TPTE: variants seen among roughly 807,000 people sequenced by gnomAD.
TPTE encodes putative tyrosine-protein phosphatase TPTE.
Under a neutral mutation model 84.1 loss-of-function variants are expected in TPTE, and 59 were observed. The observed-to-expected ratio is 0.70, with a 90% confidence interval of 0.57 to 0.87. The LOEUF is 0.87. Among genes scored for constraint, TPTE ranks in the 40% least tolerant of loss-of-function variants. TPTE has a pLI of 0.00. For missense variants in TPTE, 382 were observed against 659.6 expected (o/e 0.58, Z 4.61); for synonymous variants, 130 against 223.5 (o/e 0.58, Z 3.73).
intron 10 of TPTE, among the ~76,000 whole-genome samples, chr21:10,564,383 A>T (rs2074872853): frequency 6.6e-6 from 1 of 152,300 alleles, no homozygotes; most frequent in African/African-American, 2.4e-5. Flanking sequence ...GGTGCCGGGC[A>T]CCTGTAATTT....
chr21:10,580,125 A>G (rs1348858817), intron 17 of TPTE, among the ~76,000 whole-genome samples: 13 of 152,290 alleles, frequency 8.5e-5, no homozygotes, highest in Admixed American at 6.5e-4. Flanking sequence ...GCATTTTCTC[A>G]TTATACCTCT....
At chr21:10,530,788 G>T (rs1289659167) in intron 3 of TPTE, among the ~76,000 whole-genome samples, 2 of 152,306 alleles carry the variant, frequency 1.3e-5, no homozygotes, top group South Asian at 2.1e-4. Flanking sequence ...ATGCATGATG[G>T]TTCCTACACA....
intron 10 of TPTE, among the ~76,000 whole-genome samples, chr21:10,566,848 G>A (rs1284634910): frequency 6.6e-6 from 1 of 152,306 alleles, no homozygotes; most frequent in African/African-American, 2.4e-5. Flanking sequence ...GTGGTGCCGG[G>A]CACCTGTAAT....
At chr21:10,562,543 A>G (rs2074830447) in intron 10 of TPTE, among the ~76,000 whole-genome samples, 1 of 152,312 alleles carries the variant, frequency 6.6e-6, no homozygotes, top group African/African-American at 2.4e-5. Flanking sequence ...TCATAATTCT[A>G]TTAGATAAGT....
chr21:10,535,350 TAC>T (rs1192619960), intron 3 of TPTE, among the ~76,000 whole-genome samples: 3 of 152,302 alleles, frequency 2.0e-5, no homozygotes, highest in African/African-American at 7.2e-5. Flanking sequence ...TGCATACACA[TAC>T]ACACACAGAA....
intron 10 of TPTE, among the ~76,000 whole-genome samples, chr21:10,565,115 ACT>A (rs1348505637): frequency 1.3e-5 from 2 of 152,308 alleles, no homozygotes; most frequent in Non-Finnish European, 2.9e-5. Flanking sequence ...AATACTAAAG[ACT>A]CCACCAAAAA....
At chr21:10,587,923 A>C (rs1299819300) in intron 17 of TPTE, among the ~76,000 whole-genome samples, 1 of 152,310 alleles carries the variant, frequency 6.6e-6, no homozygotes, top group African/African-American at 2.4e-5. Flanking sequence ...AATCTCGGTC[A>C]CTGCAACCTC....
At chr21:10,574,387 C>T (rs2075109228) in intron 14 of TPTE, among the ~76,000 whole-genome samples, 1 of 152,312 alleles carries the variant, frequency 6.6e-6, no homozygotes, top group Non-Finnish European at 1.5e-5. Flanking sequence ...TGGCCTGAGT[C>T]ATCATCCCAT....
chr21:10,556,492 G>T (rs539347393), intron 8 of TPTE, among the ~76,000 whole-genome samples: 1 of 152,306 alleles, frequency 6.6e-6, no homozygotes, highest in Non-Finnish European at 1.5e-5. Flanking sequence ...GAATAGTGCC[G>T]CAATAAACAT....
intron 21 of TPTE, among the ~76,000 whole-genome samples, chr21:10,599,250 CTA>C (rs1224155703): frequency 1.3e-5 from 2 of 152,302 alleles, no homozygotes; most frequent in Non-Finnish European, 1.5e-5. Flanking sequence ...TGACAGTTTT[CTA>C]TGTTCTCCTT....
intron 3 of TPTE, 40 bp downstream of exon 3, chr21:10,527,452 A>G (rs1437461073): frequency 6.5e-6 from 1 of 152,760 alleles, no homozygotes; most frequent in South Asian, 2.1e-4. Context: ...TACTGGGAGC[A>G]TCAATGGCAA....
chr21:10,561,998 T>A (rs998777454), intron 10 of TPTE, among the ~76,000 whole-genome samples: 3 of 152,302 alleles, frequency 2.0e-5, no homozygotes, highest in Admixed American at 6.5e-5. Flanking sequence ...ACAGAGGTGC[T>A]TATGTCACTC....
In TPTE at chr21:10,569,615, C is replaced by T. The variant is rs62212562; in HGVS notation, c.667-68C>T. On this transcript the variant is annotated intron_variant, in intron 12 of 23. Transcript: ENST00000618007. ...CCATTGACAAGGGTTGATATCTATA[C>T]TGTATAATGTTTTTTATTTTTATGT... is the stretch of plus-strand genomic sequence containing the variant. 29 of 1,610,776 alleles carry T rather than the reference C, an allele frequency of 1.8e-5. No individual in the cohort carries two copies. In the East Asian group the frequency reaches 2.3e-4, roughly 13 times the overall value.
intron 14 of TPTE, chr21:10,576,721 G>A (rs909974087): frequency 1.3e-5 from 2 of 152,322 alleles, no homozygotes; most frequent in African/African-American, 4.8e-5. Flanking sequence ...ATATACGTAT[G>A]TGTGTGTATG....
intron 14 of TPTE, among the ~76,000 whole-genome samples, chr21:10,573,834 A>T (rs146695077): frequency 0.013 from 1,899 of 149,604 alleles, no homozygotes; most frequent in Non-Finnish European, 0.02. Flanking sequence ...AGGCCTGTTC[A>T]CATGATGGCA....
At chr21:10,551,155 C>G (rs1235757517) in intron 7 of TPTE, among the ~76,000 whole-genome samples, 1 of 152,310 alleles carries the variant, frequency 6.6e-6, no homozygotes, top group Admixed American at 6.5e-5. Context: ...AGGACATGAA[C>G]TCATCATTTT....
At chr21:10,542,470 T>C (rs754440002) in intron 6 of TPTE, 22 bp downstream of exon 6, 1 of 1,609,050 alleles carries the variant, frequency 6.2e-7, no homozygotes, top group Non-Finnish European at 8.5e-7. Context: ...ATAGTTAAAG[T>C]CACCCGTCAG....
At chr21:10,574,025 C>T (rs1251340383) in intron 14 of TPTE, among the ~76,000 whole-genome samples, 47 of 152,330 alleles carry the variant, frequency 3.1e-4, no homozygotes, top group African/African-American at 9.4e-4. Flanking sequence ...GAATTGTGGC[C>T]GTTTTTGATA....
intron 17 of TPTE, among the ~76,000 whole-genome samples, chr21:10,579,940 G>A (rs1316827520): frequency 2.0e-5 from 3 of 152,310 alleles, no homozygotes; most frequent in Non-Finnish European, 4.4e-5. Context: ...TCTCAGTGCT[G>A]TTTTCCACAA....
Sources: allele counts gnomAD v4.1 joint callset (sites outside exome capture counted in the v4.1 genomes callset), GRCh38; gene constraint gnomAD v4.1.1; transcripts MANE v1.5; gene names NCBI Gene and HGNC (gene_info 2026-07-23, HGNC 2026-07-21).